TBX4: variants seen among roughly 807,000 people sequenced by gnomAD.
TBX4 encodes the protein T-box transcription factor TBX4.
In TBX4, 13 loss-of-function variants were observed where a neutral mutation model predicts 54.6. That is an observed-to-expected ratio of 0.24 (90% CI 0.15 to 0.38). The LOEUF is 0.38. Among genes scored for constraint, TBX4 ranks in the 10% least tolerant of loss-of-function variants. TBX4 has a pLI of 1.00. For missense variants in TBX4, 631 were observed against 728.5 expected (o/e 0.87, Z 1.54); for synonymous variants, 314 against 306.7 (o/e 1.02, Z -0.25).
At chr17:61,469,793 C>T (rs904571126) in intron 5 of TBX4, among the ~76,000 whole-genome samples, 3 of 152,260 alleles carry the variant, frequency 2.0e-5, no homozygotes, top group African/African-American at 7.2e-5. Context: ...TTTCTTCTGC[C>T]TCTTGGCCCG....
In TBX4 at chr17:61,483,760, C is replaced by G. The variant is rs1476139238; in HGVS notation, c.*244C>G. On this transcript the variant is annotated 3_prime_UTR_variant, in exon 9 of 9. Transcript: ENST00000644296. This position sits in a 1 kb window ranked among gnomAD's most constrained non-coding sequence, Gnocchi z 6.6. ...TTTATCTAAGAAGTGATTTTGGCTG[C>G]AGGACCTGGGTCTATTGTTATCTGA... 1.8e-6 allele frequency: 1 copy of G among 543,944 alleles called. No individual in the cohort carries two copies. Among genetic ancestry groups the G allele is most frequent in the Non-Finnish European group, 3.3e-6 (1 of 302,184 alleles). 33.7% of individuals were successfully genotyped at this position (543,944 alleles called of 1,614,324 possible). A position where few individuals can be genotyped will look rare whatever the true frequency, so the allele number is the denominator to read the frequency against.
chr17:61,471,011 G>C (rs1259272995), intron 5 of TBX4, among the ~76,000 whole-genome samples: 1 of 152,236 alleles, frequency 6.6e-6, no homozygotes, highest in African/African-American at 2.4e-5. Context: ...TTGCTGAGGA[G>C]GGAGGGCCAG....
rs778236633 is a variant in TBX4, at chr17:61,465,860, A to T, written c.323A>T (p.Asn108Ile). The T allele has an allele frequency of 6.2e-7, 1 of 1,613,932 alleles. No individual in the cohort carries two copies. Among genetic ancestry groups the T allele is most frequent in the Admixed American group, 1.7e-5 (1 of 59,992 alleles). The part of the protein sequence containing the change: ...PSYKVKVTGM[N>I]PKTKYILLID... The stretch of plus-strand genomic sequence containing the variant: ...TACAAGGTAAAAGTCACAGGCATGA[A>T]CCCCAAGACCAAGTATATCCTGCTG... Residue 108 changes from asparagine (N) to isoleucine (I), a missense_variant, in exon 4 of 9, where the codon AAC becomes ATC. Transcript: ENST00000644296. The surrounding 1 kb of genome is among the most constrained non-coding windows in gnomAD (Gnocchi z 4.9).
intron 5 of TBX4, among the ~76,000 whole-genome samples, chr17:61,477,739 G>A (rs1291740033): frequency 6.6e-6 from 1 of 152,098 alleles, no homozygotes; most frequent in Admixed American, 6.5e-5. Context: ...TCAGGAGTTC[G>A]AGACCAGCCT....
chr17:61,479,490 G>A lies in TBX4; in HGVS notation c.703-391G>A, dbSNP rs1396012578. Among the ~76,000 whole-genome samples the A allele has an allele frequency of 6.6e-6, 1 of 152,208 alleles. No individual in the cohort carries two copies. Among genetic ancestry groups the A allele is most frequent in the Non-Finnish European group, 1.5e-5 (1 of 68,036 alleles). The stretch of plus-strand genomic sequence containing the variant: ...GTAGTTGCACAGACTCAGGCAGCAG[G>A]CCCGGGATGCTCACTGGGAAGATGT... On this transcript the variant is annotated intron_variant, in intron 6 of 8. Coordinates refer to ENST00000644296, the MANE Select transcript of TBX4 (RefSeq NM_001321120.2). This position sits in a 1 kb window ranked among gnomAD's most constrained non-coding sequence, Gnocchi z 6.1.
At position 61,478,905 on chromosome 17, in the gene TBX4, C is replaced by T. The variant is rs981010844; in HGVS notation, c.702+126C>T. On this transcript the variant is annotated intron_variant, in intron 6 of 8. Coordinates refer to ENST00000644296, the MANE Select transcript of TBX4 (RefSeq NM_001321120.2). This position sits in a 1 kb window ranked among gnomAD's most constrained non-coding sequence, Gnocchi z 7.4. ...GGCTTGGGCAGGCCCAGTGCAGGGA[C>T]CTCAGAAGCCTAGAGTCCCTCGGAG... 4 of 1,470,484 alleles carry T rather than the reference C, an allele frequency of 2.7e-6. No homozygotes were observed. The African/African-American group carries it at 4.2e-5, about 15-fold the overall frequency. The allele number at this position is 1,470,484 out of a possible 1,614,324, so 91.1% of individuals were successfully genotyped here.
chr17:61,471,818 C>T (rs563110456), intron 5 of TBX4, among the ~76,000 whole-genome samples: 3 of 151,886 alleles, frequency 2.0e-5, no homozygotes, highest in South Asian at 2.1e-4. Flanking sequence ...CTCCACCTCC[C>T]GGGTTCAATC....
rs1479862217 is a variant in TBX4, at chr17:61,484,328, T to C, written c.*812T>C. 1 of 152,014 alleles carries C rather than the reference T, an allele frequency of 6.6e-6. No homozygotes were observed. Among genetic ancestry groups the C allele is most frequent in the Non-Finnish European group, 1.5e-5 (1 of 68,020 alleles). 9.4% of individuals were successfully genotyped at this position (152,014 alleles called of 1,614,324 possible). On this transcript the variant is annotated 3_prime_UTR_variant, in exon 9 of 9. Coordinates refer to ENST00000644296, the MANE Select transcript of TBX4 (RefSeq NM_001321120.2). The surrounding 1 kb of genome is among the most constrained non-coding windows in gnomAD (Gnocchi z 4.1). ...AGCCCTTCCCCCTAGGTCCCCAACA[T>C]ACAGTCTCTCACTCTGGTGTGTGGA...
At chr17:61,477,941 C>CAAAAAA (rs10617980) in intron 5 of TBX4, among the ~76,000 whole-genome samples, 186 of 86,560 alleles carry the variant, frequency 2.1e-3, no homozygotes, top group South Asian at 2.9e-3. Context: ...GATTCCATCT[C>CAAAAAA]AAAAAAAAAA....
At position 61,476,568 on chromosome 17, in the gene TBX4, A is replaced by G. The variant is rs1279911367; in HGVS notation, c.550-2059A>G. Reference sequence around the variant, plus strand: ...TTCCTCTCGCCACAGGAGCATCCCCAGCGTCCTGGAAAGGGACAGACATCG... The same window carrying G: ...TTCCTCTCGCCACAGGAGCATCCCCGGCGTCCTGGAAAGGGACAGACATCG... On this transcript the variant is annotated intron_variant, in intron 5 of 8. Coordinates refer to ENST00000644296, the MANE Select transcript of TBX4 (RefSeq NM_001321120.2). This position sits in a 1 kb window ranked among gnomAD's most constrained non-coding sequence, Gnocchi z 6.5. Among the ~76,000 whole-genome samples, 1 of 152,228 alleles carries G rather than the reference A, an allele frequency of 6.6e-6. No homozygotes were observed. The highest frequency in any genetic ancestry group is 1.9e-4 in the East Asian group (1 of 5,202).
chr17:61,456,694 G>A lies in TBX4; in HGVS notation c.186+18G>A, dbSNP rs2060453291. The A allele has an allele frequency of 1.5e-6, 2 of 1,375,356 alleles. No individual in the cohort carries two copies. The highest frequency in any genetic ancestry group is 2.9e-5 in the Admixed American group (1 of 34,346). 85.2% of individuals were successfully genotyped at this position (1,375,356 alleles called of 1,614,324 possible). A position where few individuals can be genotyped will look rare whatever the true frequency, so the allele number is the denominator to read the frequency against. Reference sequence around the variant, plus strand: ...CGGAGCAGGTAGGGCTGCGCCAGCCGTCGGGTAGAAGTCGGGCGTCGGTCT... The same window carrying A: ...CGGAGCAGGTAGGGCTGCGCCAGCCATCGGGTAGAAGTCGGGCGTCGGTCT... On this transcript the variant is annotated intron_variant, in intron 2 of 8. Transcript: ENST00000644296.
rs1257592938 is a variant in TBX4 at position 61,479,540 on chromosome 17, G to A, written c.703-341G>A. Reference sequence around the variant, plus strand: ...TTACAGGTCCCCAGGAGAGACCCATGGGGACAGAAGCCCGGCAGTGCGGAG... The same window carrying A: ...TTACAGGTCCCCAGGAGAGACCCATAGGGACAGAAGCCCGGCAGTGCGGAG... On this transcript the variant is annotated intron_variant, in intron 6 of 8. Transcript: ENST00000644296. The surrounding 1 kb of genome is among the most constrained non-coding windows in gnomAD (Gnocchi z 6.1). Among the ~76,000 whole-genome samples, 1 of 152,206 alleles carries A rather than the reference G, an allele frequency of 6.6e-6. No individual in the cohort carries two copies. Among genetic ancestry groups the A allele is most frequent in the African/African-American group, 2.4e-5 (1 of 41,456 alleles).
rs8076896 is a variant in TBX4, at chr17:61,470,946, C to A, written c.549+3289C>A. Among the ~76,000 whole-genome samples the A allele has an allele frequency of 6.7e-3, 1,021 of 152,284 alleles. 6 individuals are homozygous for A. The highest frequency in any genetic ancestry group is 0.014 in the Middle Eastern group (4 of 294). On this transcript the variant is annotated intron_variant, in intron 5 of 8. Transcript: ENST00000644296. Reference sequence around the variant, plus strand: ...AGGGAGGGCCTCACTGGGGCATAGGCGGGACCTGTATCCTGTAGCACGATG... The same window carrying A: ...AGGGAGGGCCTCACTGGGGCATAGGAGGGACCTGTATCCTGTAGCACGATG...
chr17:61,470,859 G>A (rs765517365), intron 5 of TBX4, among the ~76,000 whole-genome samples: 3 of 152,204 alleles, frequency 2.0e-5, no homozygotes, highest in East Asian at 3.8e-4. Context: ...TGCTTCCCTC[G>A]GCTTTCTTCC....
chr17:61,473,066 A>G lies in TBX4; in HGVS notation c.549+5409A>G, dbSNP rs896896295. ...AATAAGCTTGTAGTGTTAAAAAAGG[A>G]GCTTATTTGTATTTTTATTGGATTT... is the stretch of plus-strand genomic sequence containing the variant. On this transcript the variant is annotated intron_variant, in intron 5 of 8. Transcript: ENST00000644296. Among the ~76,000 whole-genome samples, 7 of 152,176 alleles carry G rather than the reference A, an allele frequency of 4.6e-5. No homozygotes were observed. In the South Asian group the frequency reaches 1.4e-3, roughly 32 times the overall value.
At chr17:61,470,507 C>T (rs2060569213) in intron 5 of TBX4, among the ~76,000 whole-genome samples, 1 of 152,176 alleles carries the variant, frequency 6.6e-6, no homozygotes, top group Non-Finnish European at 1.5e-5. Flanking sequence ...GGACTGAGCT[C>T]CCACTAGAAC....
Position 61,474,021 on chromosome 17 carries a change from G to A in TBX4, c.550-4606G>A, listed in dbSNP as rs1258063435. 1.3e-5 allele frequency among the ~76,000 whole-genome samples: 2 copies of A among 152,084 alleles called. No individual in the cohort carries two copies. The highest frequency in any genetic ancestry group is 4.8e-5 in the African/African-American group (2 of 41,400). ...CTTAGATCTAGTTTGAATTTTCCTT[G>A]GATGCACCTCTTATCATCCGGGGTC... is the stretch of plus-strand genomic sequence containing the variant. On this transcript the variant is annotated intron_variant, in intron 5 of 8. Transcript: ENST00000644296. This position sits in a 1 kb window ranked among gnomAD's most constrained non-coding sequence, Gnocchi z 4.6.
Position 61,464,051 on chromosome 17 carries a change from G to A in TBX4, c.282-1768G>A, listed in dbSNP as rs1465644458. Among the ~76,000 whole-genome samples the A allele has an allele frequency of 6.6e-6, 1 of 152,318 alleles. No homozygotes were observed. The highest frequency in any genetic ancestry group is 6.5e-5 in the Admixed American group (1 of 15,306). On this transcript the variant is annotated intron_variant, in intron 3 of 8. Transcript: ENST00000644296. This position sits in a 1 kb window ranked among gnomAD's most constrained non-coding sequence, Gnocchi z 5.8. ...CTTCCCCCATTCCTGGAGAGGGGGT[G>A]GGGTGGGTATTTGAAAATGCTTTCA...
Position 61,478,944 on chromosome 17 carries a change from G to A in TBX4, c.702+165G>A, listed in dbSNP as rs1603254876. Among the ~76,000 whole-genome samples the A allele has an allele frequency of 2.0e-5, 3 of 152,162 alleles. No individual in the cohort carries two copies. Among genetic ancestry groups the A allele is most frequent in the Admixed American group, 6.6e-5 (1 of 15,266 alleles). On this transcript the variant is annotated intron_variant, in intron 6 of 8. Transcript: ENST00000644296. The surrounding 1 kb of genome is among the most constrained non-coding windows in gnomAD (Gnocchi z 7.4). ...AGTCCCTCGGAGCCGCGAGCAAATC[G>A]AATGATGAACAGAAAAGGACCCTAG...
Sources: allele counts gnomAD v4.1 joint callset (sites outside exome capture counted in the v4.1 genomes callset), GRCh38; gene constraint gnomAD v4.1.1; non-coding constraint Gnocchi (gnomAD v3.1); transcripts MANE v1.5; gene names NCBI Gene and HGNC (gene_info 2026-07-23, HGNC 2026-07-21).